Variants in KLF17 observed in about 807,000 individuals in gnomAD.
The protein encoded by KLF17 is KLF transcription factor 17, also known as Krueppel-like factor 17.
In KLF17, 31 loss-of-function variants were observed where a neutral mutation model predicts 34.2. That is an observed-to-expected ratio of 0.91 (90% CI 0.68 to 1.22). The LOEUF (loss-of-function observed/expected upper bound fraction) is 1.22. Ranked by LOEUF, KLF17 falls within the 50% of genes most tolerant of loss-of-function variation. The pLI, the probability that KLF17 is intolerant of heterozygous loss-of-function variation, is 0.00. For missense variants in KLF17, 478 were observed against 505.2 expected (o/e 0.95, Z 0.52); for synonymous variants, 179 against 186.7 (o/e 0.96, Z 0.34).
the KLF17 span, among the ~76,000 whole-genome samples, chr1:44,101,243 T>G: frequency 6.7e-6 from 1 of 149,022 alleles, no homozygotes; most frequent in Non-Finnish European, 1.5e-5. Flanking sequence ...AACAAGGCCA[T>G]TCTGTTACAG....
At chr1:44,105,312 G>C in the KLF17 span, 3 of 152,114 alleles carry the variant, frequency 2.0e-5, no homozygotes, top group Admixed American at 6.6e-5. Context: ...TTTGAAGTGG[G>C]TGGTGGTGGA....
chr1:44,119,188 C>A, intron 1 of KLF17, among the ~76,000 whole-genome samples, 200 bp downstream of exon 1: 2 of 129,358 alleles, frequency 1.5e-5, no homozygotes, highest in African/African-American at 2.9e-5. Context: ...GGAGGGGTTG[C>A]AAAGGGAGGG....
At chr1:44,102,262 G>A in the KLF17 span, among the ~76,000 whole-genome samples, 2 of 151,942 alleles carry the variant, frequency 1.3e-5, no homozygotes, top group African/African-American at 2.4e-5. Context: ...GGCCGGGCAC[G>A]GTGACTCACA....
chr1:44,043,971 G>C, the KLF17 span: 1 of 152,826 alleles, frequency 6.5e-6, no homozygotes. Context: ...ATCCAGAGGT[G>C]GGGGAGGGGC....
chr1:44,077,641 G>A, the KLF17 span, among the ~76,000 whole-genome samples: 2 of 152,172 alleles, frequency 1.3e-5, no homozygotes, highest in South Asian at 4.1e-4. Context: ...GCTGACTATT[G>A]TTTGGGGCCT....
the KLF17 span, among the ~76,000 whole-genome samples, chr1:44,094,059 C>A: frequency 6.6e-6 from 1 of 152,160 alleles, no homozygotes; most frequent in African/African-American, 2.4e-5. Flanking sequence ...AGATGCAAAA[C>A]CCATGTATAT....
the KLF17 span, among the ~76,000 whole-genome samples, chr1:44,108,229 G>A: frequency 6.6e-6 from 1 of 152,202 alleles, no homozygotes; most frequent in Non-Finnish European, 1.5e-5. Flanking sequence ...TTCAGCAGTG[G>A]AAGCTCTGTC....
intron 1 of KLF17, among the ~76,000 whole-genome samples, chr1:44,123,362 T>G (rs2087971563): frequency 6.6e-6 from 1 of 152,212 alleles, no homozygotes; most frequent in African/African-American, 2.4e-5. Context: ...GTTTTGTGTT[T>G]CTAGGAATTT....
At position 44,129,925 on chromosome 1, in the gene KLF17, T is replaced by A. The variant is rs746500531; in HGVS notation, c.654T>A (p.His218Gln). 4.3e-6 allele frequency: 7 copies of A among 1,614,058 alleles called. No homozygotes were observed. Among genetic ancestry groups the A allele is most frequent in the Non-Finnish European group, 5.9e-6 (7 of 1,180,042 alleles). The change falls in exon 2 of 4, where the codon CAT becomes CAA. Residue 218 changes from histidine (H) to glutamine (Q), a missense_variant. Transcript: ENST00000372299. ...AGATGTTGCCCCCGCAAGATGCCCA[T>A]GACCTTGGGATGCCCCCAGCTGAGT... ...MAQMLPPQDA[H>Q]DLGMPPAESQ...
At chr1:44,096,718 A>ATT in the KLF17 span, among the ~76,000 whole-genome samples, 3 of 151,762 alleles carry the variant, frequency 2.0e-5, no homozygotes, top group East Asian at 1.9e-4. Flanking sequence ...TTAAAAAAAA[A>ATT]TTTTTTTAAT....
At chr1:44,047,992 T>TTGTGTGTG in the KLF17 span, 11 of 129,252 alleles carry the variant, frequency 8.5e-5, no homozygotes, top group South Asian at 5.8e-4. Flanking sequence ...TAAGAGAACA[T>TTGTGTGTG]TGTGTGTGTA....
chr1:44,091,547 T>C, the KLF17 span, among the ~76,000 whole-genome samples: 2 of 149,416 alleles, frequency 1.3e-5, no homozygotes, highest in African/African-American at 4.9e-5. Context: ...TCCCAGCTAC[T>C]TGGGAGGCTG....
chr1:44,102,046 A>AAAACAAAC, the KLF17 span, among the ~76,000 whole-genome samples: 45,011 of 151,362 alleles, frequency 0.3, 6,734 homozygotes, highest in South Asian at 0.37. Context: ...CCCTGTCTCA[A>AAAACAAAC]AAACAAACAA....
At chr1:44,057,485 T>C in the KLF17 span, among the ~76,000 whole-genome samples, 10 of 152,252 alleles carry the variant, frequency 6.6e-5, no homozygotes, top group South Asian at 2.1e-3. Flanking sequence ...TTTGAGGAAG[T>C]GCTCCACCAG....
At chr1:44,094,857 TA>T in the KLF17 span, among the ~76,000 whole-genome samples, 1 of 152,180 alleles carries the variant, frequency 6.6e-6, no homozygotes, top group African/African-American at 2.4e-5. Flanking sequence ...CATTTTAGAA[TA>T]TTTTTTTCTA....
chr1:44,127,750 TTTTC>T (rs140503638), intron 1 of KLF17, among the ~76,000 whole-genome samples: 124 of 147,952 alleles, frequency 8.4e-4, no homozygotes, highest in African/African-American at 2.9e-3. Context: ...CTTTCTTCTC[TTTTC>T]TTTCTTTCTT....
the KLF17 span, chr1:44,103,289 G>GGGGCAGGCTGGGAA: frequency 1.4e-6 from 1 of 712,504 alleles, no homozygotes; most frequent in Non-Finnish European, 2.5e-6. Context: ...CAGGCTGGGA[G>GGGGCAGGCTGGGAA]GGGCTGCCCT....
chr1:44,110,192 C>T, the KLF17 span, among the ~76,000 whole-genome samples: 1 of 152,214 alleles, frequency 6.6e-6, no homozygotes, highest in Middle Eastern at 3.4e-3. Context: ...TAGGCGTGGG[C>T]CACTGGGCCT....
chr1:44,125,092 T>G (rs2087992564), intron 1 of KLF17, among the ~76,000 whole-genome samples: 1 of 152,220 alleles, frequency 6.6e-6, no homozygotes. Flanking sequence ...ACTTTTACAA[T>G]TGTCCATATA....
Sources: allele counts gnomAD v4.1 joint callset (sites outside exome capture counted in the v4.1 genomes callset), GRCh38; gene constraint gnomAD v4.1.1; transcripts MANE v1.5; gene names NCBI Gene and HGNC (gene_info 2026-07-23, HGNC 2026-07-21).